The following PDPK1 variants were observed in gnomAD, a reference collection of about 807,000 sequenced individuals.
The protein encoded by PDPK1 is 3-phosphoinositide-dependent protein kinase 1.
Under a neutral mutation model 39.8 loss-of-function variants are expected in PDPK1, and 7 were observed. The ratio of observed to expected loss-of-function variants is 0.18; its 90% CI spans 0.10 to 0.33. The LOEUF (loss-of-function observed/expected upper bound fraction) is 0.33, where lower values mean the gene tolerates loss of function less well. Among genes scored for constraint, PDPK1 ranks in the 10% least tolerant of loss-of-function variants. PDPK1 has a pLI of 1.00. For synonymous variants in PDPK1, 118 were observed against 159.1 expected, an observed-to-expected ratio of 0.74 and a Z score of 1.95; for missense variants, 182 against 384.7, an observed-to-expected ratio of 0.47 and a Z score of 4.41.
chr16:2,540,812 A>AATCCTCCCTTTG (rs1491172060), intron 1 of PDPK1, among the ~76,000 whole-genome samples: 6 of 152,224 alleles, frequency 3.9e-5, no homozygotes, highest in Non-Finnish European at 7.3e-5. Context: ...TTTGGAACAA[A>AATCCTCCCTTTG]GAAACATGTA....
intron 12 of PDPK1, 88 bp downstream of exon 12, chr16:2,595,938 A>G (rs1425739366): frequency 1.3e-5 from 12 of 922,280 alleles, no homozygotes; most frequent in East Asian, 9.6e-5. Context: ...GTGGCGTGGA[A>G]TCCTTCCATC....
chr16:2,544,628 A>G lies in PDPK1; in HGVS notation c.24+6492A>G, dbSNP rs372675776. Among the ~76,000 whole-genome samples the G allele has an allele frequency of 3.0e-3, 453 of 151,976 alleles. 2 individuals carry two copies. Among genetic ancestry groups the G allele is most frequent in the African/African-American group, 0.01 (430 of 41,446 alleles). On this transcript the variant is annotated intron_variant, in intron 1 of 13. Coordinates refer to ENST00000342085, the MANE Select transcript of PDPK1 (RefSeq NM_002613.5). Reference sequence around the variant, plus strand: ...AGACGGAGTCTCGCTCTGTCGCCCAAGTTGGAGTGCAGTGGCGCGATCTCG... The same window carrying G: ...AGACGGAGTCTCGCTCTGTCGCCCAGGTTGGAGTGCAGTGGCGCGATCTCG...
chr16:2,596,970 G>A lies in PDPK1; in HGVS notation c.1402-153G>A, dbSNP rs886422299. On this transcript the variant is annotated intron_variant, in intron 12 of 13. Transcript: ENST00000342085. ...GTGACCTTAGAAACTGGGCCTGGTG[G>A]GGCAGGAAGTCCCCTGCCCCTGGGT... Among the ~76,000 whole-genome samples, 7 of 152,172 alleles carry A rather than the reference G, an allele frequency of 4.6e-5. No individual in the cohort carries two copies. In the East Asian group the frequency reaches 1.3e-3, roughly 29 times the overall value.
intron 11 of PDPK1, among the ~76,000 whole-genome samples, chr16:2,588,424 C>G (rs2066921341): frequency 6.6e-6 from 1 of 152,144 alleles, no homozygotes. Flanking sequence ...TGTGGCCACT[C>G]CAAGTACTTG....
At position 2,593,424 on chromosome 16, in the gene PDPK1, T is replaced by G. The variant is rs111957172; in HGVS notation, c.1344-2369T>G. ...TAGGTGGAGGTGGTTTCGTCCTCTT[T>G]CCGTGGCTCCCACAGCTCAGTGCTG... On this transcript the variant is annotated intron_variant, in intron 11 of 13. Transcript: ENST00000342085. The surrounding 1 kb of genome is among the most constrained non-coding windows in gnomAD (Gnocchi z 4.2). 0.015 allele frequency: 4,649 copies of G among 319,756 alleles called. 210 individuals are homozygous for G. The highest frequency in any genetic ancestry group is 0.093 in the African/African-American group (4,171 of 44,978). 19.8% of individuals were successfully genotyped at this position (319,756 alleles called of 1,614,324 possible).
chr16:2,553,323 C>T (rs2066452298), intron 1 of PDPK1, among the ~76,000 whole-genome samples: 4 of 137,590 alleles, frequency 2.9e-5, no homozygotes, highest in South Asian at 2.3e-4. Context: ...TGCACACCAC[C>T]GTGCCTGGCT....
intron 1 of PDPK1, chr16:2,539,122 C>G: frequency 9.5e-6 from 2 of 210,708 alleles, no homozygotes; most frequent in South Asian, 1.1e-4. Context: ...TCTCGACGCG[C>G]AGGCTGGAGT....
rs561282155 is a variant in PDPK1 at position 2,599,286 on chromosome 16, C to T, written c.*1519C>T. On this transcript the variant is annotated 3_prime_UTR_variant, in exon 14 of 14. Transcript: ENST00000342085. Reference sequence around the variant, plus strand: ...TCTGACTCAACTGTGTCCACCCTCCCTGGTCCCTACCCCCAAGTCACAGGT... The same window carrying T: ...TCTGACTCAACTGTGTCCACCCTCCTTGGTCCCTACCCCCAAGTCACAGGT... 1.7e-5 allele frequency: 4 copies of T among 233,290 alleles called. No homozygotes were observed. Among genetic ancestry groups the T allele is most frequent in the African/African-American group, 8.8e-5 (4 of 45,458 alleles). The allele number at this position is 233,290 out of a possible 1,614,324, so 14.5% of individuals were successfully genotyped here. A position where few individuals can be genotyped will look rare whatever the true frequency, so the allele number is the denominator to read the frequency against.
Position 2,597,581 on chromosome 16 carries a change from G to A in PDPK1, c.1555-70G>A. On this transcript the variant is annotated intron_variant, in intron 13 of 13. Coordinates refer to ENST00000342085, the MANE Select transcript of PDPK1 (RefSeq NM_002613.5). This position sits in a 1 kb window ranked among gnomAD's most constrained non-coding sequence, Gnocchi z 6.3. ...GACTCGGAATGGCTGGTCGCAGGCA[G>A]CTCACCAGGTTGGGGTGGGGGTTTT... The A allele has an allele frequency of 9.0e-7, 1 of 1,111,778 alleles. No homozygotes were observed. Among genetic ancestry groups the A allele is most frequent in the Non-Finnish European group, 1.4e-6 (1 of 723,050 alleles). 68.9% of individuals were successfully genotyped at this position (1,111,778 alleles called of 1,614,324 possible). A position where few individuals can be genotyped will look rare whatever the true frequency, so the allele number is the denominator to read the frequency against.
intron 11 of PDPK1, among the ~76,000 whole-genome samples, chr16:2,589,696 G>GAA (rs530064221): frequency 2.7e-4 from 20 of 74,658 alleles, no homozygotes; most frequent in Admixed American, 4.5e-4. Flanking sequence ...CTCAAAATTG[G>GAA]AAAAAAAAAA....
At chr16:2,546,694 G>A (rs967679478) in intron 1 of PDPK1, among the ~76,000 whole-genome samples, 4 of 152,130 alleles carry the variant, frequency 2.6e-5, no homozygotes, top group Admixed American at 1.3e-4. Context: ...CTACTCTCCT[G>A]GTCTCTTTCC....
rs575136663 is a variant in PDPK1, at chr16:2,602,527, A to G, written c.*4760A>G. On this transcript the variant is annotated 3_prime_UTR_variant, in exon 14 of 14. Coordinates refer to ENST00000342085, the MANE Select transcript of PDPK1 (RefSeq NM_002613.5). Reference sequence around the variant, plus strand: ...AGACCTTTTTTAAGCTGTGTAACCCACATAGCCTAACCACCTGGCAGAATG... The same window carrying G: ...AGACCTTTTTTAAGCTGTGTAACCCGCATAGCCTAACCACCTGGCAGAATG... The G allele has an allele frequency of 4.3e-6, 1 of 234,942 alleles. No individual in the cohort carries two copies. Among genetic ancestry groups the G allele is most frequent in the Non-Finnish European group, 8.5e-6 (1 of 118,086 alleles). 14.6% of individuals were successfully genotyped at this position (234,942 alleles called of 1,614,324 possible). A position where few individuals can be genotyped will look rare whatever the true frequency, so the allele number is the denominator to read the frequency against.
chr16:2,586,905 T>A lies in PDPK1; in HGVS notation c.1343+12T>A, dbSNP rs768168208. The A allele has an allele frequency of 1.9e-6, 3 of 1,611,272 alleles. No individual in the cohort carries two copies. Among genetic ancestry groups the A allele is most frequent in the Non-Finnish European group, 8.5e-7 (1 of 1,177,402 alleles). On this transcript the variant is annotated intron_variant, in intron 11 of 13. Transcript: ENST00000342085. ...GGCGGAAACCCTTGGTAAGAACTTATGGACATAAGCAATGCTTTTTGCAGA... is the reference window on the plus strand; with the variant it reads ...GGCGGAAACCCTTGGTAAGAACTTAAGGACATAAGCAATGCTTTTTGCAGA...
intron 11 of PDPK1, among the ~76,000 whole-genome samples, chr16:2,591,015 T>C (rs529473589): frequency 1.3e-5 from 2 of 149,210 alleles, no homozygotes; most frequent in African/African-American, 5.0e-5. Flanking sequence ...CAGGCTGGAG[T>C]GCAGTGGCAC....
At chr16:2,551,719 T>C (rs1158563791) in intron 1 of PDPK1, among the ~76,000 whole-genome samples, 2 of 149,804 alleles carry the variant, frequency 1.3e-5, no homozygotes, top group African/African-American at 4.9e-5. Context: ...CAGGCTGGAA[T>C]GCGGTGACGC....
At position 2,593,751 on chromosome 16, in the gene PDPK1, G is replaced by T. The variant is rs2067040231; in HGVS notation, c.1344-2042G>T. 1 of 153,632 alleles carries T rather than the reference G, an allele frequency of 6.5e-6. No homozygotes were observed. Among genetic ancestry groups the T allele is most frequent in the Admixed American group, 6.5e-5 (1 of 15,416 alleles). 9.5% of individuals were successfully genotyped at this position (153,632 alleles called of 1,614,324 possible). The stretch of plus-strand genomic sequence containing the variant: ...ATGAATTTTCCTTTGTTGTTCCTCT[G>T]CGCTGTTGCCTGGTCACAGGCCTGT... On this transcript the variant is annotated intron_variant, in intron 11 of 13. Transcript: ENST00000342085. The surrounding 1 kb of genome is among the most constrained non-coding windows in gnomAD (Gnocchi z 4.2).
chr16:2,544,753 T>A (rs907459485), intron 1 of PDPK1, among the ~76,000 whole-genome samples: 1 of 151,824 alleles, frequency 6.6e-6, no homozygotes, highest in Non-Finnish European at 1.5e-5. Flanking sequence ...CCGGCTAATT[T>A]TTTTGTATTT....
chr16:2,594,729 C>A (rs1266783854), intron 11 of PDPK1, among the ~76,000 whole-genome samples: 1 of 152,116 alleles, frequency 6.6e-6, no homozygotes, highest in South Asian at 2.1e-4. Flanking sequence ...GCCTGTAATC[C>A]CAGCCCTTTG....
intron 10 of PDPK1, among the ~76,000 whole-genome samples, chr16:2,584,923 G>A (rs2066833986): frequency 6.6e-6 from 1 of 152,214 alleles, no homozygotes; most frequent in Non-Finnish European, 1.5e-5. Flanking sequence ...GCTCCTGCGT[G>A]GTGTTTGGTT....
Sources: allele counts gnomAD v4.1 joint callset (sites outside exome capture counted in the v4.1 genomes callset), GRCh38; gene constraint gnomAD v4.1.1; non-coding constraint Gnocchi (gnomAD v3.1); transcripts MANE v1.5; gene names NCBI Gene and HGNC (gene_info 2026-07-23, HGNC 2026-07-21).